RUNX1: variants seen among roughly 807,000 people sequenced by gnomAD.
The protein encoded by RUNX1 is runt-related transcription factor 1.
In RUNX1, 19 loss-of-function variants were observed where a neutral mutation model predicts 42.8. That is an observed-to-expected ratio of 0.44 (90% CI 0.31 to 0.65). The LOEUF (loss-of-function observed/expected upper bound fraction) is 0.65, where lower values mean the gene tolerates loss of function less well. RUNX1 is among the 30% of genes least tolerant of loss of function. RUNX1 has a pLI of 0.07. For missense variants in RUNX1, 528 were observed against 672.0 expected, an observed-to-expected ratio of 0.79 and a Z score of 2.37; for synonymous variants, 271 against 289.4, an observed-to-expected ratio of 0.94 and a Z score of 0.64.
At chr21:34,958,046 T>C (rs891109763) in intron 2 of RUNX1, among the ~76,000 whole-genome samples, 8 of 152,206 alleles carry the variant, frequency 5.3e-5, no homozygotes, top group African/African-American at 1.9e-4. Flanking sequence ...TTCATCTTTT[T>C]TGAAAGACAG....
chr21:34,873,762 G>A (rs2057772920), intron 5 of RUNX1, among the ~76,000 whole-genome samples: 2 of 152,222 alleles, frequency 1.3e-5, no homozygotes, highest in South Asian at 4.1e-4. Context: ...TCAGTGCAGT[G>A]CAAACTGAAT....
chr21:34,938,807 A>T (rs1355641486), intron 2 of RUNX1, among the ~76,000 whole-genome samples: 1 of 152,172 alleles, frequency 6.6e-6, no homozygotes, highest in Non-Finnish European at 1.5e-5. Flanking sequence ...GCTTGCACAT[A>T]GAGTAGCAGA....
At chr21:35,033,362 G>A (rs555234647) in intron 2 of RUNX1, among the ~76,000 whole-genome samples, 30 of 152,358 alleles carry the variant, frequency 2.0e-4, no homozygotes, top group African/African-American at 7.2e-4. Context: ...GTGATCCTTT[G>A]CACGAGCTAC....
At chr21:34,795,273 T>C (rs1005574663) in intron 8 of RUNX1, among the ~76,000 whole-genome samples, 1 of 152,226 alleles carries the variant, frequency 6.6e-6, no homozygotes, top group Non-Finnish European at 1.5e-5. Flanking sequence ...GCAGCGGCAG[T>C]TGATCAACTT....
rs542619518 is a variant in RUNX1, at chr21:34,808,059, T to G, written c.806-8597A>C. The stretch of plus-strand genomic sequence containing the variant: ...GTACCCCCAGGTAGCAGACACCGGC[T>G]CAGCACACTGTTGCTATATCATTGA... On this transcript the variant is annotated intron_variant, in intron 7 of 8. Coordinates refer to ENST00000675419, the MANE Select transcript of RUNX1 (RefSeq NM_001754.5). 2.1e-4 allele frequency among the ~76,000 whole-genome samples: 32 copies of G among 152,308 alleles called. No homozygotes were observed. The East Asian group carries it at 4.2e-3, about 20-fold the overall frequency.
chr21:34,856,454 G>C, intron 6 of RUNX1: 1 of 518,952 alleles, frequency 1.9e-6, no homozygotes, highest in Non-Finnish European at 3.8e-6. Flanking sequence ...GAGTCTATAA[G>C]AAAGAAATAG....
intron 2 of RUNX1, among the ~76,000 whole-genome samples, chr21:35,021,972 G>A (rs1430354071): frequency 6.6e-6 from 1 of 152,172 alleles, no homozygotes; most frequent in African/African-American, 2.4e-5. Context: ...CATTTAAGAG[G>A]CTGGCAAGAA....
In RUNX1 at chr21:34,907,937, G is replaced by C. The variant is rs996833653; in HGVS notation, c.59-14974C>G. 1.3e-5 allele frequency among the ~76,000 whole-genome samples: 2 copies of C among 152,190 alleles called. No homozygotes were observed. The highest frequency in any genetic ancestry group is 2.9e-5 in the Non-Finnish European group (2 of 68,032). On this transcript the variant is annotated intron_variant, in intron 2 of 8. Coordinates refer to ENST00000675419, the MANE Select transcript of RUNX1 (RefSeq NM_001754.5). The surrounding 1 kb of genome is among the most constrained non-coding windows in gnomAD (Gnocchi z 5.3). ...GTTTATAGAGGGAAAAGGAGGCTCT[G>C]AAAAGTGAGTGGCTCTTCTAAGCTC... is the stretch of plus-strand genomic sequence containing the variant.
chr21:35,029,878 C>T (rs566706216), intron 2 of RUNX1, among the ~76,000 whole-genome samples: 8 of 152,304 alleles, frequency 5.3e-5, no homozygotes, highest in East Asian at 1.9e-4. Context: ...AACCTTGTCA[C>T]GATCACATTT....
At chr21:34,950,407 A>G (rs2058597892) in intron 2 of RUNX1, among the ~76,000 whole-genome samples, 1 of 152,174 alleles carries the variant, frequency 6.6e-6, no homozygotes, top group Non-Finnish European at 1.5e-5. Context: ...TATAAGCAAA[A>G]AGATTCAAGC....
At chr21:34,967,783 C>G (rs993037820) in intron 2 of RUNX1, among the ~76,000 whole-genome samples, 1 of 152,206 alleles carries the variant, frequency 6.6e-6, no homozygotes, top group Non-Finnish European at 1.5e-5. Flanking sequence ...CAAAACCACA[C>G]TGAACTCACT....
At chr21:35,005,468 C>G (rs995230030) in intron 2 of RUNX1, among the ~76,000 whole-genome samples, 1 of 152,148 alleles carries the variant, frequency 6.6e-6, no homozygotes, top group African/African-American at 2.4e-5. Flanking sequence ...TTTAGTTAAT[C>G]TATACTAAGA....
At chr21:34,888,813 G>T in intron 3 of RUNX1, 1 of 483,150 alleles carries the variant, frequency 2.1e-6, no homozygotes. Context: ...GTATCAGCCA[G>T]GGCGCGGCTC....
intron 2 of RUNX1, among the ~76,000 whole-genome samples, chr21:35,039,130 T>A (rs1318950018): frequency 2.0e-5 from 3 of 152,084 alleles, no homozygotes; most frequent in Non-Finnish European, 4.4e-5. Flanking sequence ...GTTCACAAGG[T>A]GAAGGGATTT....
Position 34,791,293 on chromosome 21 carries a change from A to G in RUNX1, c.*842T>C, listed in dbSNP as rs750880843. ...AGAACAAAAGAAAATGTAGTACTTGATATTTTTCTTAATATAAGTACATTT... is the reference window on the plus strand; with the variant it reads ...AGAACAAAAGAAAATGTAGTACTTGGTATTTTTCTTAATATAAGTACATTT... On this transcript the variant is annotated 3_prime_UTR_variant, in exon 9 of 9. Transcript: ENST00000675419. The G allele has an allele frequency of 1.7e-5, 4 of 232,428 alleles. No homozygotes were observed. Among genetic ancestry groups the G allele is most frequent in the East Asian group, 6.1e-5 (1 of 16,314 alleles). 14.4% of individuals were successfully genotyped at this position (232,428 alleles called of 1,614,324 possible).
rs377142186 is a variant in RUNX1, at chr21:34,799,425, G to A, written c.843C>T (p.Tyr281=). ...RQIQPSPPWS[Y]DQSYQYLGSI... Reference sequence around the variant, plus strand: ...ATCCCAGGTATTGGTAGGACTGATCGTAGGACCACGGTGGGGATGGTTGGA... The same window carrying A: ...ATCCCAGGTATTGGTAGGACTGATCATAGGACCACGGTGGGGATGGTTGGA... The change falls in exon 8 of 9, where the codon TAC becomes TAT. Residue 281 remains tyrosine, a synonymous_variant. Transcript: ENST00000675419. The A allele has an allele frequency of 1.7e-5, 27 of 1,614,034 alleles. No individual in the cohort carries two copies. Among genetic ancestry groups the A allele is most frequent in the East Asian group, 4.5e-5 (2 of 44,896 alleles).
intron 2 of RUNX1, among the ~76,000 whole-genome samples, chr21:34,902,633 A>T (rs1315982390): frequency 6.6e-6 from 1 of 152,218 alleles, no homozygotes; most frequent in Admixed American, 6.5e-5. Flanking sequence ...TGACTGGATT[A>T]ATTCATGCAA....
Position 34,881,120 on chromosome 21 carries a change from T to C in RUNX1, c.352-407A>G, listed in dbSNP as rs185880314. 2.2e-3 allele frequency among the ~76,000 whole-genome samples: 339 copies of C among 152,324 alleles called. 2 individuals carry two copies. Among genetic ancestry groups the C allele is most frequent in the Non-Finnish European group, 3.6e-3 (245 of 68,022 alleles). On this transcript the variant is annotated intron_variant, in intron 4 of 8. Coordinates refer to ENST00000675419, the MANE Select transcript of RUNX1 (RefSeq NM_001754.5). The stretch of plus-strand genomic sequence containing the variant: ...AGATATCAAGGATTTTGAGTAGCTA[T>C]GCCGTCTCCTGAATACAAGCATCTC...
intron 6 of RUNX1, among the ~76,000 whole-genome samples, chr21:34,837,214 T>A (rs2057159818): frequency 6.6e-6 from 1 of 151,962 alleles, no homozygotes; most frequent in African/African-American, 2.4e-5. Context: ...GCCCTGGGAG[T>A]CTCAGGGCTG....
Sources: gnomAD v4.1 joint callset for allele counts (sites outside exome capture counted in the v4.1 genomes callset) on GRCh38, gnomAD v4.1.1 for gene constraint, Gnocchi (gnomAD v3.1) non-coding constraint, MANE v1.5 for transcripts, NCBI Gene and HGNC (gene_info 2026-07-23, HGNC 2026-07-21) for gene names.